PAPPA: variants seen among roughly 807,000 people sequenced by gnomAD.
PAPPA encodes pappalysin-1.
Under a neutral mutation model 164.0 loss-of-function variants are expected in PAPPA, and 60 were observed. The observed-to-expected ratio is 0.37, with a 90% CI of 0.30 to 0.45. The LOEUF (loss-of-function observed/expected upper bound fraction) is 0.45, where lower values mean the gene tolerates loss of function less well. PAPPA is among the 20% of genes least tolerant of loss of function. PAPPA has a pLI of 1.00. For missense variants in PAPPA, 1,782 were observed against 2,087.3 expected, an observed-to-expected ratio of 0.85 and a Z score of 2.85; for synonymous variants, 875 against 814.1, an observed-to-expected ratio of 1.07 and a Z score of -1.27.
In PAPPA at chr9:116,347,688, C is replaced by A. The variant is rs979505601; in HGVS notation, c.3964+479C>A. Among the ~76,000 whole-genome samples, 4 of 152,082 alleles carry A rather than the reference C, an allele frequency of 2.6e-5. No individual in the cohort carries two copies. Among genetic ancestry groups the A allele is most frequent in the Admixed American group, 6.6e-5 (1 of 15,266 alleles). ...TCAGTGGTGGGGACCATATTGAAAC[C>A]CAGGTCTGTTGTTCTCCAATGCTGG... On this transcript the variant is annotated intron_variant, in intron 15 of 21. Coordinates refer to ENST00000328252, the MANE Select transcript of PAPPA (RefSeq NM_002581.5). This position sits in a 1 kb window ranked among gnomAD's most constrained non-coding sequence, Gnocchi z 4.5.
chr9:116,251,340 G>A (rs556015227), intron 7 of PAPPA, among the ~76,000 whole-genome samples: 2 of 152,322 alleles, frequency 1.3e-5, no homozygotes, highest in African/African-American at 4.8e-5. Flanking sequence ...CTCCTGGGAA[G>A]GGTAAGGGGA....
Position 116,367,797 on chromosome 9 carries a change from G to T in PAPPA, c.4605+43G>T, listed in dbSNP as rs368817335. 9 of 1,323,426 alleles carry T rather than the reference G, an allele frequency of 6.8e-6. No individual in the cohort carries two copies. The African/African-American group carries it at 1.2e-4, about 17-fold the overall frequency. The allele number at this position is 1,323,426 out of a possible 1,614,324, so 82.0% of individuals were successfully genotyped here. ...TCTACCCACCTGCAGCTAAGGGGGA[G>T]GGAAATGATATTGTTGAGCACTTGC... On this transcript the variant is annotated intron_variant, in intron 19 of 21. Coordinates refer to ENST00000328252, the MANE Select transcript of PAPPA (RefSeq NM_002581.5).
At chr9:116,186,525 T>C (rs1843972863) in intron 1 of PAPPA, among the ~76,000 whole-genome samples, 1 of 152,120 alleles carries the variant, frequency 6.6e-6, no homozygotes, top group South Asian at 2.1e-4. Flanking sequence ...AGAATGAAGT[T>C]CCAGCTTTTC....
At chr9:116,362,487 A>G (rs1276562213) in intron 17 of PAPPA, 105 bp from the exon 18 acceptor site, 1 of 1,238,504 alleles carries the variant, frequency 8.1e-7, no homozygotes, top group Admixed American at 2.3e-5. Context: ...GGAACACTTC[A>G]GAGCTCTGGA....
At position 116,325,045 on chromosome 9, in the gene PAPPA, T is replaced by A. The variant is rs369881108; in HGVS notation, c.3148-6199T>A. On this transcript the variant is annotated intron_variant, in intron 10 of 21. Transcript: ENST00000328252. ...TATGGGGAGCATTTTTATGAATGAATGTGGTGGGACCAGAAGCAAAAAGAC... is the reference window on the plus strand; with the variant it reads ...TATGGGGAGCATTTTTATGAATGAAAGTGGTGGGACCAGAAGCAAAAAGAC... Among the ~76,000 whole-genome samples the A allele has an allele frequency of 4.6e-5, 7 of 152,276 alleles. No individual in the cohort carries two copies. The East Asian group carries it at 1.2e-3, about 25-fold the overall frequency.
At chr9:116,165,823 T>G (rs1843713928) in intron 1 of PAPPA, among the ~76,000 whole-genome samples, 1 of 152,206 alleles carries the variant, frequency 6.6e-6, no homozygotes, top group African/African-American at 2.4e-5. Context: ...TGAGAAGCCC[T>G]TCATAACTTC....
At chr9:116,258,119 G>A (rs1434665796) in intron 7 of PAPPA, among the ~76,000 whole-genome samples, 1 of 151,946 alleles carries the variant, frequency 6.6e-6, no homozygotes, top group Non-Finnish European at 1.5e-5. Flanking sequence ...GTGCATAAAT[G>A]GGGGAAGACA....
chr9:116,307,990 C>T (rs1845668529), intron 10 of PAPPA, among the ~76,000 whole-genome samples: 1 of 152,206 alleles, frequency 6.6e-6, no homozygotes, highest in Non-Finnish European at 1.5e-5. Context: ...TGTTAATTCT[C>T]TGTCTTGTTC....
chr9:116,158,332 G>A, intron 1 of PAPPA, among the ~76,000 whole-genome samples: 1 of 152,084 alleles, frequency 6.6e-6, no homozygotes, highest in East Asian at 1.9e-4. Context: ...TATATGGCTA[G>A]GAGTCCATAT....
intron 10 of PAPPA, among the ~76,000 whole-genome samples, chr9:116,328,259 A>G (rs1282312256): frequency 6.6e-6 from 1 of 152,224 alleles, no homozygotes; most frequent in African/African-American, 2.4e-5. Flanking sequence ...TTCAAATTCC[A>G]TAGATAGTTT....
chr9:116,196,306 C>T (rs1261317250), intron 2 of PAPPA, among the ~76,000 whole-genome samples: 1 of 152,182 alleles, frequency 6.6e-6, no homozygotes, highest in East Asian at 1.9e-4. Flanking sequence ...AGTACTGGTG[C>T]CCTTTCAAGG....
intron 9 of PAPPA, among the ~76,000 whole-genome samples, chr9:116,272,833 T>C (rs904703555): frequency 3.3e-5 from 5 of 152,334 alleles, no homozygotes; most frequent in Middle Eastern, 3.4e-3. Context: ...GTACCAACTG[T>C]GCTGAGAACT....
At chr9:116,280,568 GTC>G (rs1318352510) in intron 9 of PAPPA, among the ~76,000 whole-genome samples, 2 of 152,232 alleles carry the variant, frequency 1.3e-5, no homozygotes, top group African/African-American at 4.8e-5. Context: ...AAGTCTAGCA[GTC>G]TCTGATTTCT....
chr9:116,205,380 G>C (rs887548776), intron 2 of PAPPA, among the ~76,000 whole-genome samples: 1 of 152,190 alleles, frequency 6.6e-6, no homozygotes, highest in Non-Finnish European at 1.5e-5. Context: ...GAGCTATGGG[G>C]CAGAGGTGGC....
At chr9:116,288,933 C>T (rs1845379296) in intron 9 of PAPPA, 1 of 151,812 alleles carries the variant, frequency 6.6e-6, no homozygotes, top group Non-Finnish European at 1.5e-5. Flanking sequence ...TTAGTCACAA[C>T]CAGCTATGCC....
At chr9:116,237,567 C>G (rs113981201) in intron 7 of PAPPA, among the ~76,000 whole-genome samples, 46 of 152,188 alleles carry the variant, frequency 3.0e-4, no homozygotes, top group African/African-American at 1.1e-3. Context: ...ATGAAAGAAC[C>G]CTTAGTGATT....
intron 12 of PAPPA, among the ~76,000 whole-genome samples, chr9:116,333,575 C>A (rs1012235065): frequency 6.6e-6 from 1 of 152,072 alleles, no homozygotes; most frequent in East Asian, 1.9e-4. Context: ...CAGATAAAAG[C>A]CAAGGGAGCA....
chr9:116,240,420 C>T (rs1396438335), intron 7 of PAPPA, among the ~76,000 whole-genome samples: 1 of 152,130 alleles, frequency 6.6e-6, no homozygotes, highest in Non-Finnish European at 1.5e-5. Context: ...TATAAACTCC[C>T]CGAGGGCTAG....
chr9:116,350,456 C>T (rs1265958934), intron 15 of PAPPA, among the ~76,000 whole-genome samples: 1 of 152,182 alleles, frequency 6.6e-6, no homozygotes, highest in African/African-American at 2.4e-5. Context: ...AGCTGTGGTG[C>T]ACTGCTAACT....
Sources: gnomAD v4.1 joint callset for allele counts (sites outside exome capture counted in the v4.1 genomes callset) on GRCh38, gnomAD v4.1.1 for gene constraint, Gnocchi (gnomAD v3.1) non-coding constraint, MANE v1.5 for transcripts, NCBI Gene and HGNC (gene_info 2026-07-23, HGNC 2026-07-21) for gene names.